PPP2R5E: variants seen among roughly 807,000 people sequenced by gnomAD.
PPP2R5E encodes the protein serine/threonine-protein phosphatase 2A 56 kDa regulatory subunit epsilon isoform.
PPP2R5E carries 4 observed loss-of-function variants against 65.3 expected under a neutral mutation model. That is an observed-to-expected ratio of 0.06 (90% CI 0.03 to 0.14). The LOEUF (loss-of-function observed/expected upper bound fraction) is 0.14. PPP2R5E is among the 10% of genes least tolerant of loss of function. The probability of loss-of-function intolerance (pLI) is 1.00; values close to 1 mark genes in which losing one functional copy is unlikely to be tolerated. For synonymous variants in PPP2R5E, 183 were observed against 187.4 expected (o/e 0.98, Z 0.19); for missense variants, 274 against 556.1 (o/e 0.49, Z 5.10).
chr14:63,401,849 C>T (rs1291796320), intron 5 of PPP2R5E, among the ~76,000 whole-genome samples: 1 of 152,058 alleles, frequency 6.6e-6, no homozygotes. Context: ...AGAAAGCCAA[C>T]GAGAAGCAGG....
chr14:63,420,353 C>A (rs1392612625), intron 4 of PPP2R5E, among the ~76,000 whole-genome samples: 1 of 152,032 alleles, frequency 6.6e-6, no homozygotes, highest in African/African-American at 2.4e-5. Flanking sequence ...AAAAGTAATT[C>A]TTTTTTGGAT....
chr14:63,419,474 T>C (rs1886885280), intron 4 of PPP2R5E, among the ~76,000 whole-genome samples: 1 of 152,202 alleles, frequency 6.6e-6, no homozygotes, highest in African/African-American at 2.4e-5. Flanking sequence ...TGACCTATCA[T>C]GAAAAGAAAA....
intron 3 of PPP2R5E, among the ~76,000 whole-genome samples, chr14:63,440,798 A>G (rs1237381090): frequency 6.6e-6 from 1 of 150,788 alleles, no homozygotes; most frequent in Non-Finnish European, 1.5e-5. Context: ...AAAAAAAAAA[A>G]ATTAGCTGGG....
At chr14:63,506,841 C>T (rs1566750929) in intron 2 of PPP2R5E, among the ~76,000 whole-genome samples, 1 of 152,180 alleles carries the variant, frequency 6.6e-6, no homozygotes, top group Non-Finnish European at 1.5e-5. Context: ...TAAAATTGTA[C>T]ATGAATGTTC....
chr14:63,465,647 A>G (rs997469385), intron 2 of PPP2R5E, among the ~76,000 whole-genome samples: 2 of 152,124 alleles, frequency 1.3e-5, no homozygotes, highest in African/African-American at 2.4e-5. Flanking sequence ...TTTTTTAAAG[A>G]AACATTAATT....
chr14:63,463,424 A>G (rs961072850), intron 2 of PPP2R5E, among the ~76,000 whole-genome samples: 1 of 150,056 alleles, frequency 6.7e-6, no homozygotes, highest in Non-Finnish European at 1.5e-5. Flanking sequence ...CAGGCAAGAC[A>G]GTTTTTAATG....
intron 2 of PPP2R5E, among the ~76,000 whole-genome samples, chr14:63,467,243 C>CAA (rs978615067): frequency 1.6e-5 from 2 of 122,802 alleles, no homozygotes; most frequent in Admixed American, 7.7e-5. Flanking sequence ...AACAAACAAA[C>CAA]AAAAAAAACA....
chr14:63,523,460 G>C (rs931082038), intron 2 of PPP2R5E, among the ~76,000 whole-genome samples: 3 of 152,004 alleles, frequency 2.0e-5, no homozygotes, highest in Non-Finnish European at 4.4e-5. Context: ...AAGGTTAAAT[G>C]GATTAAGGGC....
intron 12 of PPP2R5E, among the ~76,000 whole-genome samples, 196 bp from the exon 13 acceptor site, chr14:63,382,353 C>G (rs2139747210): frequency 6.6e-6 from 1 of 151,386 alleles, no homozygotes; most frequent in East Asian, 1.9e-4. Context: ...AGATAATTTT[C>G]TGAGGGGTGG....
Position 63,422,026 on chromosome 14 carries a change from T to C in PPP2R5E, c.423A>G (p.Glu141=). 6.2e-7 allele frequency: 1 copy of C among 1,613,578 alleles called. No homozygotes were observed. The highest frequency in any genetic ancestry group is 8.5e-7 in the Non-Finnish European group (1 of 1,179,510). Residue 141 remains glutamate (E), a synonymous_variant, in exon 4 of 14, where the codon GAA becomes GAG. Transcript: ENST00000337537. ...GTGGCCACGATGCCTCAAGGGTAGG[T>C]TCATCTTCTTCTGGATCAAATTCAT... ...DSNEFDPEED[E]PTLEASWPHL... is the part of the protein sequence containing the mutation.
chr14:63,496,551 T>A (rs1279245334), intron 2 of PPP2R5E, among the ~76,000 whole-genome samples: 1 of 151,640 alleles, frequency 6.6e-6, no homozygotes, highest in Non-Finnish European at 1.5e-5. Context: ...CCATAACCCA[T>A]CAATAACTAA....
chr14:63,467,184 C>A (rs1889862246), intron 2 of PPP2R5E, among the ~76,000 whole-genome samples: 1 of 147,006 alleles, frequency 6.8e-6, no homozygotes, highest in Non-Finnish European at 1.5e-5. Context: ...CGAGATCTTG[C>A]CACTGTCCAG....
chr14:63,520,518 T>C lies in PPP2R5E; in HGVS notation c.157+19011A>G, dbSNP rs954836727. Among the ~76,000 whole-genome samples the C allele has an allele frequency of 5.3e-5, 8 of 152,354 alleles. 1 individual carries two copies. Among genetic ancestry groups the C allele is most frequent in the African/African-American group, 2.4e-5 (1 of 41,590 alleles). ...CAAATATCAGAGACCAATCCTGTTA[T>C]GCTCATCACTGTATTCCCAGAACAG... On this transcript the variant is annotated intron_variant, in intron 2 of 13. Transcript: ENST00000337537.
intron 2 of PPP2R5E, among the ~76,000 whole-genome samples, chr14:63,527,482 G>A (rs1017812158): frequency 1.3e-5 from 2 of 152,162 alleles, no homozygotes; most frequent in Non-Finnish European, 2.9e-5. Context: ...TTGCCATTGT[G>A]TACTTTTTCC....
At chr14:63,387,875 T>C (rs1179008822) in intron 11 of PPP2R5E, among the ~76,000 whole-genome samples, 1 of 152,180 alleles carries the variant, frequency 6.6e-6, no homozygotes, top group African/African-American at 2.4e-5. Context: ...TGTATGCACA[T>C]GCCAGGAAAG....
In PPP2R5E at chr14:63,530,226, G is replaced by GTTTT. The variant is rs555112537; in HGVS notation, c.157+9299_157+9302dup. ...GAACCCTAAGTTAAGAAATTTTTCC[G>GTTTT]TTTTTTTTTTTTTTTTTTTTTTTGA... On this transcript the variant is annotated intron_variant, in intron 2 of 13. Coordinates refer to ENST00000337537, the MANE Select transcript of PPP2R5E (RefSeq NM_006246.5). 4.2e-3 allele frequency among the ~76,000 whole-genome samples: 414 copies of GTTTT among 99,428 alleles called. 6 individuals carry two copies. The highest frequency in any genetic ancestry group is 7.6e-3 in the Middle Eastern group (1 of 132). 65.2% of individuals were successfully genotyped at this position (99,428 alleles called of 152,430 possible). A position where few individuals can be genotyped will look rare whatever the true frequency, so the allele number is the denominator to read the frequency against.
chr14:63,385,183 G>A (rs555650616), intron 11 of PPP2R5E, among the ~76,000 whole-genome samples: 42 of 152,122 alleles, frequency 2.8e-4, no homozygotes, highest in Non-Finnish European at 4.7e-4. Flanking sequence ...AAAATTAGCC[G>A]GGATTGGTGG....
At chr14:63,400,411 G>C (rs1484961500) in intron 5 of PPP2R5E, among the ~76,000 whole-genome samples, 1 of 152,174 alleles carries the variant, frequency 6.6e-6, no homozygotes, top group African/African-American at 2.4e-5. Context: ...GAAGAAATGA[G>C]GAGTTAGAAG....
At chr14:63,400,460 C>T (rs781749633) in intron 5 of PPP2R5E, among the ~76,000 whole-genome samples, 1 of 152,138 alleles carries the variant, frequency 6.6e-6, no homozygotes, top group Admixed American at 6.5e-5. Flanking sequence ...ATAGTACATG[C>T]TTTTCCTAGC....
Sources: allele counts gnomAD v4.1 joint callset (sites outside exome capture counted in the v4.1 genomes callset), GRCh38; gene constraint gnomAD v4.1.1; transcripts MANE v1.5; gene names NCBI Gene and HGNC (gene_info 2026-07-23, HGNC 2026-07-21).